The following LPAR1 variants were observed in gnomAD, a reference collection of about 807,000 sequenced individuals.
LPAR1 encodes lysophosphatidic acid receptor 1, also known as LPA receptor 1.
Under a neutral mutation model 23.8 loss-of-function variants are expected in LPAR1, and 5 were observed. The observed-to-expected ratio is 0.21, with a 90% confidence interval of 0.11 to 0.44. The LOEUF is 0.44. Among genes scored for constraint, LPAR1 ranks in the 20% least tolerant of loss-of-function variants. The probability of loss-of-function intolerance (pLI) is 0.99; values close to 1 mark genes in which losing one functional copy is unlikely to be tolerated. For synonymous variants in LPAR1, 160 were observed against 164.7 expected (o/e 0.97, Z 0.22); for missense variants, 311 against 482.8 (o/e 0.64, Z 3.33).
intron 5 of LPAR1, among the ~76,000 whole-genome samples, chr9:110,902,781 A>G (rs1262873226): frequency 1.3e-5 from 2 of 152,136 alleles, no homozygotes; most frequent in Non-Finnish European, 2.9e-5. Context: ...CCTTGGAGAG[A>G]GGGGCAGTCC....
chr9:110,976,751 A>G (rs1212295137), intron 2 of LPAR1, among the ~76,000 whole-genome samples: 1 of 151,808 alleles, frequency 6.6e-6, no homozygotes, highest in Non-Finnish European at 1.5e-5. Context: ...ATCTCTTCTC[A>G]TCTATATTTC....
chr9:110,949,478 T>C (rs1307503240), intron 4 of LPAR1, among the ~76,000 whole-genome samples: 1 of 152,216 alleles, frequency 6.6e-6, no homozygotes, highest in Non-Finnish European at 1.5e-5. Flanking sequence ...TGACTAGAAG[T>C]CTGAAGGTAA....
intron 5 of LPAR1, among the ~76,000 whole-genome samples, chr9:110,885,869 C>A (rs2132827748): frequency 6.6e-6 from 1 of 152,094 alleles, no homozygotes; most frequent in East Asian, 1.9e-4. Flanking sequence ...TCGAGACCAG[C>A]CTGACCAATA....
rs1024676238 is a variant in LPAR1, at chr9:110,971,053, T to C, written c.45+1020A>G. ...AGGAAGCTGAGACAGGAGAATCGCT[T>C]GAACCCAGGAGGTGGAGATTGCAGT... On this transcript the variant is annotated intron_variant, in intron 4 of 5. Transcript: ENST00000683809. Among the ~76,000 whole-genome samples, 24 of 152,280 alleles carry C rather than the reference T, an allele frequency of 1.6e-4. No homozygotes were observed. In the South Asian group the frequency reaches 5.0e-3, roughly 32 times the overall value.
chr9:110,947,032 T>C (rs546910065), intron 4 of LPAR1, among the ~76,000 whole-genome samples: 1 of 152,258 alleles, frequency 6.6e-6, no homozygotes, highest in African/African-American at 2.4e-5. Context: ...TAAAGCAGAA[T>C]GGCAACTTTT....
At chr9:110,903,882 CAAAAAAAAAAAAA>C (rs61456167) in intron 5 of LPAR1, among the ~76,000 whole-genome samples, 2 of 77,228 alleles carry the variant, frequency 2.6e-5, no homozygotes, top group African/African-American at 1.3e-4. Context: ...AAGTGAATTG[CAAAAAAAAAAAAA>C]AAAAAAAAAG....
intron 4 of LPAR1, among the ~76,000 whole-genome samples, chr9:110,944,882 A>C (rs1421191203): frequency 6.6e-6 from 1 of 152,210 alleles, no homozygotes; most frequent in Non-Finnish European, 1.5e-5. Context: ...AAATTGGACT[A>C]ACTTATACAT....
At chr9:110,992,044 A>T (rs1173844322) in intron 2 of LPAR1, among the ~76,000 whole-genome samples, 3 of 152,054 alleles carry the variant, frequency 2.0e-5, no homozygotes, top group Non-Finnish European at 4.4e-5. Flanking sequence ...ATCTATAAAG[A>T]ACAAACAGAA....
intron 3 of LPAR1, among the ~76,000 whole-genome samples, chr9:110,972,495 A>C (rs2096455743): frequency 6.6e-6 from 1 of 152,162 alleles, no homozygotes; most frequent in Non-Finnish European, 1.5e-5. Flanking sequence ...AGAGCTGAGG[A>C]GGGTGAGTCG....
chr9:110,899,880 C>T lies in LPAR1; in HGVS notation c.794-24158G>A, dbSNP rs116583692. 5.6e-3 allele frequency among the ~76,000 whole-genome samples: 851 copies of T among 152,242 alleles called. 6 individuals carry two copies. The highest frequency in any genetic ancestry group is 0.019 in the African/African-American group (793 of 41,550). ...TATTTAGCAGCACCCCTGGCTTTTG[C>T]CCACTCAGTGCCAGTAATACACCAC... On this transcript the variant is annotated intron_variant, in intron 5 of 5. Coordinates refer to ENST00000683809, the MANE Select transcript of LPAR1 (RefSeq NM_001351411.2).
intron 4 of LPAR1, among the ~76,000 whole-genome samples, chr9:110,965,372 A>G (rs1037670687): frequency 6.6e-6 from 1 of 152,184 alleles, no homozygotes; most frequent in Admixed American, 6.5e-5. Context: ...TTTGCAATCT[A>G]TCCATCTGAC....
chr9:110,996,547 C>T (rs988028348), intron 2 of LPAR1, among the ~76,000 whole-genome samples: 3 of 152,044 alleles, frequency 2.0e-5, no homozygotes, highest in Non-Finnish European at 4.4e-5. Flanking sequence ...GCTGTGGGTG[C>T]GACCTGACCA....
rs574177731 is a variant in LPAR1 at position 110,999,727 on chromosome 9, T to C, written c.-181-26169A>G. Among the ~76,000 whole-genome samples, 14 of 152,240 alleles carry C rather than the reference T, an allele frequency of 9.2e-5. No individual in the cohort carries two copies. The East Asian group carries it at 2.3e-3, about 25-fold the overall frequency. On this transcript the variant is annotated intron_variant, in intron 2 of 5. Transcript: ENST00000683809. ...CACATTTATGAAACTCCTAAGAGCA[T>C]GTTAGGACAGGGTCTTGCTGTCACC...
At chr9:111,022,945 C>A (rs1362301956) in intron 2 of LPAR1, among the ~76,000 whole-genome samples, 1 of 150,024 alleles carries the variant, frequency 6.7e-6, no homozygotes. Context: ...CCCAGCTACT[C>A]AGGAGGCTGA....
intron 4 of LPAR1, among the ~76,000 whole-genome samples, chr9:110,959,084 G>C (rs571524033): frequency 1.5e-5 from 2 of 137,226 alleles, no homozygotes; most frequent in South Asian, 4.7e-4. Flanking sequence ...CAAGGATGCA[G>C]AGAAAAGGGA....
chr9:110,938,001 T>C (rs1449568509), intron 5 of LPAR1, among the ~76,000 whole-genome samples: 3 of 152,194 alleles, frequency 2.0e-5, no homozygotes, highest in Non-Finnish European at 4.4e-5. Flanking sequence ...AAAGTGGCAT[T>C]TACTGTAGTG....
chr9:110,997,147 G>T (rs2097028479), intron 2 of LPAR1, among the ~76,000 whole-genome samples: 1 of 152,118 alleles, frequency 6.6e-6, no homozygotes, highest in Non-Finnish European at 1.5e-5. Flanking sequence ...AAGGAAGGAT[G>T]ATATAAAGAA....
At chr9:111,013,546 T>C (rs1422293244) in intron 2 of LPAR1, among the ~76,000 whole-genome samples, 4 of 152,178 alleles carry the variant, frequency 2.6e-5, no homozygotes, top group African/African-American at 9.7e-5. Flanking sequence ...GTGAACTCTA[T>C]GAAACATGCG....
intron 5 of LPAR1, among the ~76,000 whole-genome samples, chr9:110,904,742 T>C (rs942452389): frequency 3.3e-5 from 5 of 152,160 alleles, no homozygotes; most frequent in African/African-American, 7.2e-5. Context: ...GCTGGAGAAG[T>C]AGGTCTGGCA....
Sources: allele counts gnomAD v4.1 joint callset (sites outside exome capture counted in the v4.1 genomes callset), GRCh38; gene constraint gnomAD v4.1.1; transcripts MANE v1.5; gene names NCBI Gene and HGNC (gene_info 2026-07-23, HGNC 2026-07-21).